UNC13A: variants seen among roughly 807,000 people sequenced by gnomAD.
The protein encoded by UNC13A is protein unc-13 homolog A.
Under a neutral mutation model 219.7 loss-of-function variants are expected in UNC13A, and 61 were observed. The observed-to-expected ratio is 0.28, with a 90% confidence interval of 0.23 to 0.34. UNC13A has a LOEUF of 0.34. UNC13A is among the 10% of genes least tolerant of loss of function. The pLI is 1.00. For missense variants in UNC13A, 1,476 were observed against 2,270.3 expected (o/e 0.65, Z 7.11); for synonymous variants, 920 against 884.6 (o/e 1.04, Z -0.71).
At chr19:17,648,353 C>T in intron 16 of UNC13A, 78 bp downstream of exon 16, 1 of 1,389,366 alleles carries the variant, frequency 7.2e-7, no homozygotes, top group Non-Finnish European at 9.4e-7. Flanking sequence ...TCGCCTTGCC[C>T]TTCAGCCTTT....
At chr19:17,662,913 C>T (rs113835732) in intron 8 of UNC13A, among the ~76,000 whole-genome samples, 13,114 of 144,084 alleles carry the variant, frequency 0.091, 779 homozygotes, top group Non-Finnish European at 0.13. Context: ...GAGTGAGACT[C>T]CGTCTCAAAA....
chr19:17,632,337 G>C (rs2076865199), intron 28 of UNC13A, among the ~76,000 whole-genome samples: 1 of 152,148 alleles, frequency 6.6e-6, no homozygotes, highest in South Asian at 2.1e-4. Context: ...AAGCCACTGT[G>C]CCTGACCCAT....
At chr19:17,647,580 C>A in intron 16 of UNC13A, 88 bp from the exon 17 acceptor site, 6 of 1,327,280 alleles carry the variant, frequency 4.5e-6, no homozygotes, top group Non-Finnish European at 5.2e-6. Context: ...TACTCATCAA[C>A]CGGGGGGACT....
intron 6 of UNC13A, 40 bp from the exon 7 acceptor site, chr19:17,666,744 G>A (rs931500222): frequency 1.5e-5 from 22 of 1,456,338 alleles, no homozygotes; most frequent in Non-Finnish European, 2.0e-5. Context: ...TCTCTCAGAG[G>A]GGCCAAAGGC....
chr19:17,645,161 A>G (rs2077012321), intron 19 of UNC13A, among the ~76,000 whole-genome samples: 1 of 151,042 alleles, frequency 6.6e-6, no homozygotes, highest in African/African-American at 2.4e-5. Context: ...GGCACCCACC[A>G]CCACGCCTGG....
intron 30 of UNC13A, 112 bp downstream of exon 30, chr19:17,630,033 T>G: frequency 8.1e-7 from 1 of 1,231,354 alleles, no homozygotes; most frequent in Non-Finnish European, 1.1e-6. Flanking sequence ...CCAACCTCAA[T>G]GACATCACCA....
chr19:17,667,416 A>G (rs12976417), intron 6 of UNC13A, among the ~76,000 whole-genome samples: 127,520 of 152,118 alleles, frequency 0.84, 54,138 homozygotes, highest in Middle Eastern at 0.92. Context: ...ATATTCGTGT[A>G]ACAAACCTGC....
Position 17,617,770 on chromosome 19 carries a change from G to A in UNC13A, c.4490C>T (p.Ala1497Val). 3 of 1,613,912 alleles carry A rather than the reference G, an allele frequency of 1.9e-6. No individual in the cohort carries two copies. Among genetic ancestry groups the A allele is most frequent in the East Asian group, 2.2e-5 (1 of 44,866 alleles). Residue 1497 changes from alanine (A) to valine (V), a missense_variant, in exon 41 of 44, where the codon GCC becomes GTC. This residue lies in a region of UNC13A where 77 missense variants were observed against 94.8 expected (regional missense o/e 0.81). Coordinates refer to ENST00000519716, the MANE Select transcript of UNC13A (RefSeq NM_001080421.3). ...KSPDLQSLRY[A>V]LSLYTQATDL... The stretch of plus-strand genomic sequence containing the variant: ...GGTGGCCTGCGTGTAGAGCGACAGG[G>A]CATAGCGCAAGGATTGCAGGTCCGG...
chr19:17,623,512 A>G (rs1296475315), intron 36 of UNC13A, 30 bp downstream of exon 36: 3 of 1,526,148 alleles, frequency 2.0e-6, no homozygotes, highest in Admixed American at 1.9e-5. Flanking sequence ...GAGGACGGAC[A>G]GACAGACGGA....
chr19:17,610,011 G>A lies in UNC13A; in HGVS notation c.4740C>T (p.Asp1580=). The change falls in exon 43 of 44, where the codon GAC becomes GAT. Residue 1580 remains aspartate, a synonymous_variant. Coordinates refer to ENST00000519716, the MANE Select transcript of UNC13A (RefSeq NM_001080421.3). ...EVNIIGPQLS[D]KKRKFATKSK... is the part of the protein sequence containing the mutation. The stretch of plus-strand genomic sequence containing the variant: ...ATTTGGTCGCAAACTTGCGTTTCTT[G>A]TCGCTGAGCTGGGGCCCAATGATGT... 1 of 1,614,048 alleles carries A rather than the reference G, an allele frequency of 6.2e-7. No homozygotes were observed. Among genetic ancestry groups the A allele is most frequent in the Non-Finnish European group, 8.5e-7 (1 of 1,179,902 alleles).
intron 8 of UNC13A, among the ~76,000 whole-genome samples, chr19:17,659,927 T>G (rs2079522991): frequency 6.6e-6 from 1 of 152,062 alleles, no homozygotes; most frequent in African/African-American, 2.4e-5. Context: ...TTAGACAGGG[T>G]CTCTCTCACT....
chr19:17,658,385 G>C, intron 8 of UNC13A, 116 bp from the exon 9 acceptor site: 1 of 964,692 alleles, frequency 1.0e-6, no homozygotes, highest in Non-Finnish European at 1.6e-6. Context: ...TTTTTTACTA[G>C]TATGGATAAA....
In UNC13A at chr19:17,657,966, GA is replaced by G. The variant is rs1453516035; in HGVS notation, c.767+95del. 8 of 1,311,534 alleles carry G rather than the reference GA, an allele frequency of 6.1e-6. No individual in the cohort carries two copies. The South Asian group carries it at 1.0e-4, about 17-fold the overall frequency. The allele number at this position is 1,311,534 out of a possible 1,614,324, so 81.2% of individuals were successfully genotyped here. A position where few individuals can be genotyped will look rare whatever the true frequency, so the allele number is the denominator to read the frequency against. ...TGGATGGGTGAATTCTGCCCTTCTG[GA>G]ACTCCACCTCCAGCTCTGTCCAGCC... On this transcript the variant is annotated intron_variant, in intron 9 of 43. Transcript: ENST00000519716.
chr19:17,606,230 G>A lies in UNC13A; in HGVS notation c.4936C>T (p.Arg1646Cys). Reference protein sequence around the residue: ...AVLQLRELAQRGSAACWLPLG... With the variant: ...AVLQLRELAQCGSAACWLPLG... ...GGCAGCCAGCAGGCGGCGCTCCCGC[G>A]CTGGGCCAGCTCACGCAGCTGCAGC... The change falls in exon 44 of 44, where the codon CGC becomes TGC. Residue 1646 changes from arginine to cysteine, a missense_variant. By Grantham distance (180) the Arg-to-Cys change is radical. Around this residue, in one of 14 missense-constraint regions of UNC13A, gnomAD observed 187 missense variants for 172.3 expected, o/e 1.09. Transcript: ENST00000519716. 4 of 1,550,056 alleles carry A rather than the reference G, an allele frequency of 2.6e-6. No homozygotes were observed. Among genetic ancestry groups the A allele is most frequent in the East Asian group, 2.5e-5 (1 of 40,560 alleles).
chr19:17,666,360 C>T (rs1311266159), intron 7 of UNC13A, among the ~76,000 whole-genome samples: 1 of 148,926 alleles, frequency 6.7e-6, no homozygotes, highest in Non-Finnish European at 1.5e-5. Flanking sequence ...TTACAGGCAC[C>T]CACCACCATG....
At chr19:17,626,048 C>T (rs2076780046) in intron 34 of UNC13A, among the ~76,000 whole-genome samples, 1 of 151,070 alleles carries the variant, frequency 6.6e-6, no homozygotes, top group Admixed American at 6.6e-5. Context: ...CATCCATCTA[C>T]CCACCCATCC....
intron 42 of UNC13A, 67 bp from the exon 43 acceptor site, chr19:17,610,166 C>T: frequency 6.2e-7 from 1 of 1,601,920 alleles, no homozygotes; most frequent in South Asian, 1.1e-5. Flanking sequence ...ATGTTTGTGG[C>T]TCTCAAAACC....
chr19:17,630,121 C>G, intron 30 of UNC13A, 24 bp downstream of exon 30: 1 of 1,551,204 alleles, frequency 6.4e-7, no homozygotes, highest in Non-Finnish European at 8.7e-7. Flanking sequence ...TCCCCTAGCC[C>G]CAACCCTACC....
chr19:17,679,778 CCTT>C (rs1212052158), intron 1 of UNC13A, among the ~76,000 whole-genome samples: 2 of 152,146 alleles, frequency 1.3e-5, no homozygotes, highest in Non-Finnish European at 1.5e-5. Context: ...TCTGTTCTCT[CCTT>C]CTCTCTCTCA....
Sources: allele counts gnomAD v4.1 joint callset (sites outside exome capture counted in the v4.1 genomes callset), GRCh38; gene constraint gnomAD v4.1.1; regional missense constraint gnomAD v4.1.1; transcripts MANE v1.5; gene names NCBI Gene and HGNC (gene_info 2026-07-23, HGNC 2026-07-21).